COL15A1: variants seen among roughly 807,000 people sequenced by gnomAD.
The protein encoded by COL15A1 is collagen alpha-1(XV) chain.
Under a neutral mutation model 165.9 loss-of-function variants are expected in COL15A1, and 111 were observed. That is an observed-to-expected ratio of 0.67 (90% CI 0.57 to 0.78). The LOEUF (loss-of-function observed/expected upper bound fraction) is 0.78, where lower values mean the gene tolerates loss of function less well. Ranked by LOEUF, COL15A1 falls within the 30% of genes least tolerant of loss-of-function variation. COL15A1 has a pLI of 0.00. For synonymous variants in COL15A1, 659 were observed against 674.8 expected (o/e 0.98, Z 0.36); for missense variants, 1,745 against 1,789.7 (o/e 0.98, Z 0.45).
Position 99,066,617 on chromosome 9 carries a change from T to TG in COL15A1, c.3652-265_3652-264insG, listed in dbSNP as rs1283665203. 6.9e-3 allele frequency among the ~76,000 whole-genome samples: 1,007 copies of TG among 145,140 alleles called. 19 individuals are homozygous for TG. The highest frequency in any genetic ancestry group is 0.025 in the African/African-American group (937 of 38,108). On this transcript the variant is annotated intron_variant, in intron 39 of 41. Transcript: ENST00000375001. ...TTGTTCTGTTTTTTTTTTTTTTTTTTTTTTTTTCACCTAAGGAAGACATTT... is the reference window on the plus strand; with the variant it reads ...TTGTTCTGTTTTTTTTTTTTTTTTTTGTTTTTTTCACCTAAGGAAGACATTT...
chr9:99,063,093 A>C lies in COL15A1; in HGVS notation c.3635A>C (p.Asn1212Thr), dbSNP rs1825842423. 1 of 1,581,908 alleles carries C rather than the reference A, an allele frequency of 6.3e-7. No individual in the cohort carries two copies. The highest frequency in any genetic ancestry group is 2.0e-5 in the Admixed American group (1 of 50,940). Reference protein sequence around the residue: ...LPPPNPISSANYEKPALHLAA... With the variant: ...LPPPNPISSATYEKPALHLAA... ...CCACCAAACCCTATTTCAAGTGCCA[A>C]TTATGAGAAGCCTGCTGTAAGTACA... Residue 1212 changes from asparagine to threonine, a missense_variant, in exon 39 of 42, where the codon AAT (asparagine) becomes ACT (threonine). Coordinates refer to ENST00000375001, the MANE Select transcript of COL15A1 (RefSeq NM_001855.5).
chr9:99,044,511 C>A, intron 24 of COL15A1, 57 bp from the exon 25 acceptor site: 2 of 1,539,450 alleles, frequency 1.3e-6, no homozygotes, highest in South Asian at 2.2e-5. Context: ...ACAAAACTCT[C>A]TGGACAAGGT....
intron 21 of COL15A1, 29 bp downstream of exon 21, chr9:99,036,425 T>C (rs201601081): frequency 1.2e-6 from 2 of 1,609,208 alleles, no homozygotes; most frequent in African/African-American, 2.7e-5. Flanking sequence ...AGAGCTTGTC[T>C]ACATATTTTC....
At chr9:99,067,177 C>G (rs1825909963) in intron 40 of COL15A1, 110 bp downstream of exon 40, 9 of 906,148 alleles carry the variant, frequency 9.9e-6, no homozygotes, top group Middle Eastern at 2.6e-4. Flanking sequence ...TAAGCCTGCT[C>G]TCTCCCTTAC....
chr9:99,052,986 G>T (rs771924618), intron 31 of COL15A1, among the ~76,000 whole-genome samples: 1 of 152,200 alleles, frequency 6.6e-6, no homozygotes, highest in African/African-American at 2.4e-5. Context: ...ATCAGAACCC[G>T]TGTTTTAACC....
intron 2 of COL15A1, among the ~76,000 whole-genome samples, chr9:98,952,375 T>C (rs941878761): frequency 2.6e-5 from 4 of 152,250 alleles, no homozygotes; most frequent in Non-Finnish European, 5.9e-5. Flanking sequence ...TTATCTTTCT[T>C]ATTATATTAA....
intron 5 of COL15A1, among the ~76,000 whole-genome samples, chr9:98,996,697 G>T (rs1322415762): frequency 1.3e-5 from 2 of 152,156 alleles, no homozygotes; most frequent in Non-Finnish European, 2.9e-5. Context: ...GAGAGCTTTG[G>T]CTGAGATGAA....
chr9:99,041,792 C>T (rs1208503158), intron 23 of COL15A1, among the ~76,000 whole-genome samples: 2 of 152,096 alleles, frequency 1.3e-5, no homozygotes, highest in South Asian at 2.1e-4. Context: ...ATCAGTAGTG[C>T]CCAGTTGGAG....
chr9:98,961,821 G>C (rs1010681039), intron 2 of COL15A1, among the ~76,000 whole-genome samples: 1 of 152,228 alleles, frequency 6.6e-6, no homozygotes, highest in African/African-American at 2.4e-5. Context: ...CAGGGCGGGG[G>C]CAAAGGGTCT....
intron 19 of COL15A1, 57 bp from the exon 20 acceptor site, chr9:99,036,113 C>A: frequency 1.5e-6 from 2 of 1,370,498 alleles, no homozygotes; most frequent in Non-Finnish European, 2.1e-6. Context: ...AGACAAGAGG[C>A]TAGATGGAGG....
chr9:99,040,927 C>G, intron 23 of COL15A1: 1 of 224,334 alleles, frequency 4.5e-6, no homozygotes, highest in Non-Finnish European at 9.2e-6. Flanking sequence ...ACCATGACCA[C>G]GATTGTGACC....
Position 99,016,981 on chromosome 9 carries a change from C to T in COL15A1, c.1647+862C>T, listed in dbSNP as rs1409329349. Reference sequence around the variant, plus strand: ...CTGAATGCCCCTTGCTCCGGGGCCTCCTATAGCGGTTATCACGCTGCTTCC... The same window carrying T: ...CTGAATGCCCCTTGCTCCGGGGCCTTCTATAGCGGTTATCACGCTGCTTCC... On this transcript the variant is annotated intron_variant, in intron 11 of 41. Transcript: ENST00000375001. Among the ~76,000 whole-genome samples, 7 of 152,210 alleles carry T rather than the reference C, an allele frequency of 4.6e-5. No homozygotes were observed. In the South Asian group the frequency reaches 1.0e-3, roughly 22 times the overall value.
intron 9 of COL15A1, among the ~76,000 whole-genome samples, chr9:99,013,806 G>T (rs1838884660): frequency 6.6e-6 from 1 of 152,274 alleles, no homozygotes; most frequent in Non-Finnish European, 1.5e-5. Context: ...GGCGGGTGGT[G>T]CCTTTGTTCT....
Position 99,070,569 on chromosome 9 carries a change from A to C in COL15A1, c.*683A>C. On this transcript the variant is annotated 3_prime_UTR_variant, in exon 42 of 42. Coordinates refer to ENST00000375001, the MANE Select transcript of COL15A1 (RefSeq NM_001855.5). Reference sequence around the variant, plus strand: ...AATAATCTGAAACTAGAAAAGAAATAGCACATAATTACTACCTTCCCCTTG... The same window carrying C: ...AATAATCTGAAACTAGAAAAGAAATCGCACATAATTACTACCTTCCCCTTG... The C allele has an allele frequency of 2.4e-6, 1 of 408,866 alleles. No individual in the cohort carries two copies. The highest frequency in any genetic ancestry group is 4.8e-6 in the Non-Finnish European group (1 of 206,612). 25.3% of individuals were successfully genotyped at this position (408,866 alleles called of 1,614,324 possible).
intron 16 of COL15A1, among the ~76,000 whole-genome samples, chr9:99,033,711 G>C (rs917884147): frequency 1.3e-5 from 2 of 152,196 alleles, no homozygotes; most frequent in African/African-American, 4.8e-5. Context: ...AAAAATGACT[G>C]GGGGGAAGGA....
In COL15A1 at chr9:99,044,585, G is replaced by A. The variant is rs138283764; in HGVS notation, c.2592G>A (p.Pro864=). ...AATTGCAGGGCGAGAAGGGAGAGCC[G>A]GGTGCCATCCTGACAGAGGACATTC... ...LKGEQGEKGE[P]GAILTEDIPL... Residue 864 remains proline (P), a synonymous_variant, in exon 25 of 42, where the codon CCG becomes CCA. Coordinates refer to ENST00000375001, the MANE Select transcript of COL15A1 (RefSeq NM_001855.5). The A allele has an allele frequency of 1.7e-4, 277 of 1,614,082 alleles. 1 individual carries two copies. Among genetic ancestry groups the A allele is most frequent in the African/African-American group, 2.0e-4 (15 of 75,028 alleles).
At position 98,970,031 on chromosome 9, in the gene COL15A1, G is replaced by A. The variant is rs552840523; in HGVS notation, c.101-15534G>A. Among the ~76,000 whole-genome samples the A allele has an allele frequency of 1.5e-4, 21 of 141,802 alleles. No individual in the cohort carries two copies. The South Asian group carries it at 4.3e-3, about 29-fold the overall frequency. 93.0% of individuals were successfully genotyped at this position (141,802 alleles called of 152,430 possible). On this transcript the variant is annotated intron_variant, in intron 2 of 41. Coordinates refer to ENST00000375001, the MANE Select transcript of COL15A1 (RefSeq NM_001855.5). ...CAACATCTTTGGGAGTGAGGCAAGAGCATTAGTAGTTTAAAAAAAAAAAAA... is the reference window on the plus strand; with the variant it reads ...CAACATCTTTGGGAGTGAGGCAAGAACATTAGTAGTTTAAAAAAAAAAAAA...
chr9:99,012,479 C>T (rs1250720959), intron 9 of COL15A1, among the ~76,000 whole-genome samples: 1 of 152,156 alleles, frequency 6.6e-6, no homozygotes, highest in African/African-American at 2.4e-5. Context: ...TTAAAGCAGG[C>T]AGAGGCAGAG....
chr9:99,044,978 C>T (rs1839471416), intron 26 of COL15A1, among the ~76,000 whole-genome samples: 1 of 152,216 alleles, frequency 6.6e-6, no homozygotes, highest in African/African-American at 2.4e-5. Flanking sequence ...CTCGCTCTTG[C>T]AAATTCCACT....
Sources: allele counts gnomAD v4.1 joint callset (sites outside exome capture counted in the v4.1 genomes callset), GRCh38; gene constraint gnomAD v4.1.1; transcripts MANE v1.5; gene names NCBI Gene and HGNC (gene_info 2026-07-23, HGNC 2026-07-21).